Variants in KIAA1217 observed in about 807,000 individuals in gnomAD.
The protein encoded by KIAA1217 is KIAA1217.
Under a neutral mutation model 163.9 loss-of-function variants are expected in KIAA1217, and 88 were observed. The observed-to-expected ratio is 0.54, with a 90% CI of 0.45 to 0.64. The LOEUF is 0.64. KIAA1217 is among the 30% of genes least tolerant of loss of function. The pLI is 0.00. For synonymous variants in KIAA1217, 903 were observed against 923.1 expected (o/e 0.98, Z 0.39); for missense variants, 2,372 against 2,475.0 (o/e 0.96, Z 0.88).
chr10:24,377,718 T>C (rs1342148851), intron 2 of KIAA1217, among the ~76,000 whole-genome samples: 1 of 152,206 alleles, frequency 6.6e-6, no homozygotes. Context: ...GAAATTTTCA[T>C]CTATGAAATA....
At chr10:24,422,644 A>G (rs1349302916) in intron 3 of KIAA1217, among the ~76,000 whole-genome samples, 2 of 152,252 alleles carry the variant, frequency 1.3e-5, no homozygotes, top group African/African-American at 4.8e-5. Flanking sequence ...CTCAGTCTGA[A>G]TTCCAGAAAT....
intron 1 of KIAA1217, among the ~76,000 whole-genome samples, chr10:23,874,975 C>T (rs966011925): frequency 1.3e-5 from 2 of 151,912 alleles, no homozygotes; most frequent in Admixed American, 1.3e-4. Context: ...TGGTGGAAGA[C>T]AAAGGAGGAG....
rs77613257 is a variant in KIAA1217, at chr10:23,976,794, C to G, written c.-320-30431C>G. The stretch of plus-strand genomic sequence containing the variant: ...CACACAGATTTTCTGTAAAGTCCTA[C>G]TGAAGACAATGCTATCTCACATTGA... On this transcript the variant is annotated intron_variant, in intron 1 of 18. Transcript: ENST00000376462. Among the ~76,000 whole-genome samples, 547 of 152,300 alleles carry G rather than the reference C, an allele frequency of 3.6e-3. 1 individual carries two copies. The highest frequency in any genetic ancestry group is 0.013 in the African/African-American group (539 of 41,554).
chr10:24,524,670 C>A lies in KIAA1217; in HGVS notation c.2804C>A (p.Ser935Tyr), dbSNP rs2071813987. Reference sequence around the variant, plus strand: ...CTGCAGATGTCGCAGGCTCCGCAGTCCCCACAGATACCCATGAATGGGTCT... The same window carrying A: ...CTGCAGATGTCGCAGGCTCCGCAGTACCCACAGATACCCATGAATGGGTCT... ...STLQMSQAPQ[S>Y]PQIPMNGSAM... Residue 935 changes from serine (S) to tyrosine (Y), a missense_variant, in exon 13 of 21, where the codon TCC (serine) becomes TAC (tyrosine). By Grantham distance (144) the Ser-to-Tyr change is moderately radical (BLOSUM62 -2). Coordinates refer to ENST00000376454, the MANE Select transcript of KIAA1217 (RefSeq NM_019590.5). The A allele has an allele frequency of 1.2e-6, 2 of 1,614,162 alleles. No homozygotes were observed. Among genetic ancestry groups the A allele is most frequent in the Non-Finnish European group, 1.7e-6 (2 of 1,180,004 alleles).
chr10:23,704,090 GTA>G (rs1836680761), intron 1 of KIAA1217, among the ~76,000 whole-genome samples: 2 of 144,338 alleles, frequency 1.4e-5, no homozygotes, highest in African/African-American at 5.1e-5. Context: ...ATATATGTGT[GTA>G]TGTACTTTGT....
At chr10:23,709,553 G>C (rs145550832) in intron 1 of KIAA1217, among the ~76,000 whole-genome samples, 13 of 151,464 alleles carry the variant, frequency 8.6e-5, no homozygotes, top group Admixed American at 3.3e-4. Context: ...AAAAAATAAA[G>C]AAATAGAAAC....
intron 2 of KIAA1217, among the ~76,000 whole-genome samples, chr10:24,165,780 C>T (rs1470652750): frequency 6.6e-6 from 1 of 152,154 alleles, no homozygotes; most frequent in Non-Finnish European, 1.5e-5. Context: ...GAAACTATTT[C>T]ATGTTTTCAA....
rs180823828 is a variant in KIAA1217 at position 24,519,719 on chromosome 10, T to C, written c.2178-404T>C. 5.3e-5 allele frequency among the ~76,000 whole-genome samples: 8 copies of C among 152,282 alleles called. No homozygotes were observed. The East Asian group carries it at 1.2e-3, about 22-fold the overall frequency. On this transcript the variant is annotated intron_variant, in intron 10 of 20. Coordinates refer to ENST00000376454, the MANE Select transcript of KIAA1217 (RefSeq NM_019590.5). The stretch of plus-strand genomic sequence containing the variant: ...CTGATATTAACCACTGTGGGCTTCT[T>C]GTTTTACTGCACCGCAGGTCGGTCT...
intron 5 of KIAA1217, among the ~76,000 whole-genome samples, chr10:24,461,276 G>A (rs564040258): frequency 4.6e-5 from 7 of 152,114 alleles, no homozygotes; most frequent in African/African-American, 1.7e-4. Flanking sequence ...ACTCCATCTA[G>A]CTGTTTTCAT....
intron 1 of KIAA1217, among the ~76,000 whole-genome samples, chr10:23,930,060 CT>C (rs1284250671): frequency 3.9e-5 from 6 of 151,964 alleles, no homozygotes; most frequent in Non-Finnish European, 8.8e-5. Context: ...TATTTTTTGA[CT>C]TTTTTGCTAA....
intron 3 of KIAA1217, among the ~76,000 whole-genome samples, chr10:24,408,430 T>C (rs893083830): frequency 6.6e-6 from 1 of 152,154 alleles, no homozygotes; most frequent in African/African-American, 2.4e-5. Flanking sequence ...GTTCCCCTCT[T>C]ATCACGAGCA....
chr10:23,764,718 C>T (rs1244189030), intron 1 of KIAA1217, among the ~76,000 whole-genome samples: 1 of 152,072 alleles, frequency 6.6e-6, no homozygotes, highest in Non-Finnish European at 1.5e-5. Flanking sequence ...ACCACATGTA[C>T]TCACTCATAA....
intron 1 of KIAA1217, among the ~76,000 whole-genome samples, chr10:23,752,257 A>G (rs1359253729): frequency 6.6e-6 from 1 of 152,136 alleles, no homozygotes; most frequent in Non-Finnish European, 1.5e-5. Flanking sequence ...TGGGAGGGGG[A>G]TTTAATGAAT....
chr10:23,781,566 C>T (rs185116679), intron 1 of KIAA1217, among the ~76,000 whole-genome samples: 1 of 152,300 alleles, frequency 6.6e-6, no homozygotes, highest in Admixed American at 6.5e-5. Context: ...GTCCCCTTTG[C>T]TGTGCAGAAG....
intron 2 of KIAA1217, chr10:24,157,888 G>C: frequency 1.6e-6 from 1 of 644,388 alleles, no homozygotes; most frequent in Non-Finnish European, 2.8e-6. Flanking sequence ...CTGAACCAAT[G>C]ATGCTGGCTT....
At chr10:24,182,687 T>C (rs934392521) in intron 2 of KIAA1217, among the ~76,000 whole-genome samples, 7 of 152,146 alleles carry the variant, frequency 4.6e-5, no homozygotes, top group African/African-American at 1.7e-4. Context: ...TATTAATCAG[T>C]TTTGGGTGAG....
intron 1 of KIAA1217, among the ~76,000 whole-genome samples, chr10:23,799,377 A>T (rs58847411): frequency 7.2e-4 from 110 of 152,336 alleles, no homozygotes; most frequent in Middle Eastern, 3.4e-3. Flanking sequence ...ATCATGTAAG[A>T]TAATGTTTAT....
chr10:24,169,281 A>G (rs974402986), intron 2 of KIAA1217, among the ~76,000 whole-genome samples: 4 of 152,144 alleles, frequency 2.6e-5, no homozygotes, highest in African/African-American at 4.8e-5. Flanking sequence ...TGAGGCCTCA[A>G]TGGTTTGGCC....
Position 24,545,998 on chromosome 10 carries a change from G to C in KIAA1217, c.5506G>C (p.Ala1836Pro), listed in dbSNP as rs1319284328. The change falls in exon 21 of 21, where the codon GCT becomes CCT. Residue 1836 changes from alanine to proline, a missense_variant. Ala to Pro is a conservative substitution (Grantham distance 27). Around this residue, in one of 3 missense-constraint regions of KIAA1217, gnomAD observed 690 missense variants for 677.5 expected, o/e 1.02. Transcript: ENST00000376454. ...TCCACCTGCTACTAAACCATCGATT[G>C]CTTCTAACCCTCTCAGCCCCCAAAC... The part of the protein sequence containing the change: ...PNPPATKPSI[A>P]SNPLSPQTGP... 11 of 1,614,096 alleles carry C rather than the reference G, an allele frequency of 6.8e-6. No individual in the cohort carries two copies. Among genetic ancestry groups the C allele is most frequent in the Non-Finnish European group, 9.3e-6 (11 of 1,180,016 alleles).
Sources: allele counts gnomAD v4.1 joint callset (sites outside exome capture counted in the v4.1 genomes callset), GRCh38; gene constraint gnomAD v4.1.1; regional missense constraint gnomAD v4.1.1; transcripts MANE v1.5; gene names NCBI Gene and HGNC (gene_info 2026-07-23, HGNC 2026-07-21).